The following CFAP44 variants were observed in gnomAD, a reference collection of about 807,000 sequenced individuals.
CFAP44 encodes cilia- and flagella-associated protein 44.
In CFAP44, 134 loss-of-function variants were observed where a neutral mutation model predicts 216.2. That is an observed-to-expected ratio of 0.62 (90% CI 0.54 to 0.72). CFAP44 has a LOEUF of 0.72. CFAP44 is among the 30% of genes least tolerant of loss of function. The pLI, the probability that CFAP44 is intolerant of heterozygous loss-of-function variation, is 0.00. For synonymous variants in CFAP44, 700 were observed against 727.6 expected (o/e 0.96, Z 0.61); for missense variants, 2,035 against 2,182.1 (o/e 0.93, Z 1.34).
At chr3:113,374,342 C>G (rs1933266016) in intron 17 of CFAP44, among the ~76,000 whole-genome samples, 1 of 151,024 alleles carries the variant, frequency 6.6e-6, no homozygotes. Flanking sequence ...TGCTTTACTC[C>G]CTGGAGCAAC....
intron 31 of CFAP44, among the ~76,000 whole-genome samples, chr3:113,304,616 A>C (rs1461612533): frequency 1.3e-5 from 2 of 152,214 alleles, no homozygotes; most frequent in African/African-American, 4.8e-5. Flanking sequence ...TAAAAAAGAG[A>C]AAATATTTTC....
chr3:113,368,177 T>C (rs1289339702), intron 18 of CFAP44, among the ~76,000 whole-genome samples: 3 of 152,184 alleles, frequency 2.0e-5, no homozygotes, highest in African/African-American at 4.8e-5. Flanking sequence ...CAGGATATCA[T>C]CCAGGAGAAC....
intron 30 of CFAP44, among the ~76,000 whole-genome samples, chr3:113,305,781 A>C (rs1034873260): frequency 2.6e-5 from 4 of 152,166 alleles, no homozygotes; most frequent in Admixed American, 6.5e-5. Flanking sequence ...GATCAACAAA[A>C]TCATCTATTG....
At chr3:113,324,402 A>G (rs987385458) in intron 28 of CFAP44, among the ~76,000 whole-genome samples, 2 of 152,202 alleles carry the variant, frequency 1.3e-5, no homozygotes, top group African/African-American at 4.8e-5. Context: ...CAATATATAA[A>G]AAGAATTTTG....
At chr3:113,347,859 G>C (rs1056979515) in intron 22 of CFAP44, among the ~76,000 whole-genome samples, 1 of 152,130 alleles carries the variant, frequency 6.6e-6, no homozygotes, top group Non-Finnish European at 1.5e-5. Context: ...GATACTAACA[G>C]GAGAATGCCT....
In CFAP44 at chr3:113,333,591, A is replaced by C. The variant is rs945209831; in HGVS notation, c.3438-8T>G. On this transcript the variant is annotated splice_region_variant and splice_polypyrimidine_tract_variant and intron_variant, in intron 24 of 34. Transcript: ENST00000393845. Reference sequence around the variant, plus strand: ...CCAGGTTTACTCTTGTATCTATTAGAAAAACAGACAACCCCCCCACACACA... The same window carrying C: ...CCAGGTTTACTCTTGTATCTATTAGCAAAACAGACAACCCCCCCACACACA... The C allele has an allele frequency of 6.6e-7, 1 of 1,508,110 alleles. No homozygotes were observed. The highest frequency in any genetic ancestry group is 2.2e-5 in the Admixed American group (1 of 45,006). 93.4% of individuals were successfully genotyped at this position (1,508,110 alleles called of 1,614,324 possible).
rs547774450 is a variant in CFAP44, at chr3:113,427,241, G to A, written c.199C>T (p.Arg67Cys). ...AATGAACTCAAACTTCCTTCCAAAC[G>A]TTCCTCATCTGAGTCTTCTTCTAAA... ...SYLEEDSDEE[R>C]LEGSLSSFQY... Residue 67 changes from arginine (R) to cysteine (C), a missense_variant, in exon 3 of 35, where the codon CGT (arginine) becomes TGT (cysteine). Transcript: ENST00000393845. 70 of 1,613,328 alleles carry A rather than the reference G, an allele frequency of 4.3e-5. No homozygotes were observed. The highest frequency in any genetic ancestry group is 1.6e-4 in the East Asian group (7 of 44,772).
intron 15 of CFAP44, among the ~76,000 whole-genome samples, chr3:113,382,771 A>C (rs1394453425): frequency 6.6e-6 from 1 of 152,210 alleles, no homozygotes; most frequent in Non-Finnish European, 1.5e-5. Flanking sequence ...ACAGAGGTAA[A>C]TGGGATTTTC....
At chr3:113,416,269 T>C (rs1245426520) in intron 6 of CFAP44, among the ~76,000 whole-genome samples, 2 of 152,166 alleles carry the variant, frequency 1.3e-5, no homozygotes, top group Non-Finnish European at 2.9e-5. Context: ...GCAGGTAAGA[T>C]GGGTCTCCAG....
rs917859549 is a variant in CFAP44 at position 113,330,148 on chromosome 3, G to A, written c.4116+20C>T. 4 of 1,481,244 alleles carry A rather than the reference G, an allele frequency of 2.7e-6. No homozygotes were observed. In the African/African-American group the frequency reaches 4.2e-5, roughly 16 times the overall value. 91.8% of individuals were successfully genotyped at this position (1,481,244 alleles called of 1,614,324 possible). On this transcript the variant is annotated intron_variant, in intron 26 of 34. Coordinates refer to ENST00000393845, the MANE Select transcript of CFAP44 (RefSeq NM_001164496.2). Reference sequence around the variant, plus strand: ...CTCTTCTCTCTTTCAGCTTTAACTAGGAACAGGTTCACCCCTTACCCTGTT... The same window carrying A: ...CTCTTCTCTCTTTCAGCTTTAACTAAGAACAGGTTCACCCCTTACCCTGTT...
intron 22 of CFAP44, among the ~76,000 whole-genome samples, chr3:113,352,741 T>A (rs533085685): frequency 6.6e-6 from 1 of 151,994 alleles, no homozygotes; most frequent in Admixed American, 6.6e-5. Flanking sequence ...GAAGAATACA[T>A]GTAAATGAAC....
In CFAP44 at chr3:113,288,189, A is replaced by C. The variant is rs1949793333; in HGVS notation, c.*3368T>G. On this transcript the variant is annotated 3_prime_UTR_variant, in exon 35 of 35. Coordinates refer to ENST00000393845, the MANE Select transcript of CFAP44 (RefSeq NM_001164496.2). ...GGCCAGACCCTGGCTTTTAAACATG[A>C]AGAATTTGATAAACAGGGTCCTAGG... is the stretch of plus-strand genomic sequence containing the variant. 1 of 152,102 alleles carries C rather than the reference A, an allele frequency of 6.6e-6. No individual in the cohort carries two copies. The highest frequency in any genetic ancestry group is 1.5e-5 in the Non-Finnish European group (1 of 68,026). The allele number at this position is 152,102 out of a possible 1,614,324, so 9.4% of individuals were successfully genotyped here. A position where few individuals can be genotyped will look rare whatever the true frequency, so the allele number is the denominator to read the frequency against.
At chr3:113,426,091 C>T (rs1243679998) in intron 4 of CFAP44, 33 bp downstream of exon 4, 1 of 1,601,508 alleles carries the variant, frequency 6.2e-7, no homozygotes, top group Admixed American at 1.7e-5. Context: ...AATGAAAATC[C>T]CAAAATTATA....
At chr3:113,382,517 G>A (rs1202624550) in intron 15 of CFAP44, among the ~76,000 whole-genome samples, 5 of 152,088 alleles carry the variant, frequency 3.3e-5, no homozygotes, top group East Asian at 1.9e-4. Context: ...GTAGCTAGAG[G>A]AGAATATAAG....
At chr3:113,418,149 A>G (rs1438571758) in intron 5 of CFAP44, among the ~76,000 whole-genome samples, 4 of 151,970 alleles carry the variant, frequency 2.6e-5, no homozygotes, top group Non-Finnish European at 5.9e-5. Context: ...GTGCAGTGGC[A>G]TGATCTCTGC....
chr3:113,434,577 A>G (rs556260163), intron 1 of CFAP44: 1 of 152,304 alleles, frequency 6.6e-6, no homozygotes, highest in African/African-American at 2.4e-5. Context: ...AGCTTTTCAT[A>G]TATTTGAAAA....
chr3:113,400,836 C>A (rs755421212), intron 11 of CFAP44, among the ~76,000 whole-genome samples, 192 bp from the exon 12 acceptor site: 17 of 151,942 alleles, frequency 1.1e-4, no homozygotes, highest in Non-Finnish European at 2.4e-4. Flanking sequence ...TGGGCTTTGT[C>A]CTTAATGGCT....
In CFAP44 at chr3:113,380,944, C is replaced by T. The variant is rs923465117; in HGVS notation, c.2007G>A (p.Met669Ile). The change falls in exon 16 of 35, where the codon ATG (methionine) becomes ATA (isoleucine). Residue 669 changes from methionine to isoleucine, a missense_variant. Physicochemically the swap from Met to Ile is conservative, Grantham distance 10 (BLOSUM62 1). This residue lies in a region of CFAP44 where 1,883 missense variants were observed against 2,023.7 expected (regional missense o/e 0.93). Coordinates refer to ENST00000393845, the MANE Select transcript of CFAP44 (RefSeq NM_001164496.2). Reference protein sequence around the residue: ...HDVVSYEIKDMCIKCFHFSSV... With the variant: ...HDVVSYEIKDICIKCFHFSSV... ...TTGAAAAATGGAAACATTTTATGCA[C>T]ATGTCTTTGATTTCATAGGAGACTA... is the stretch of plus-strand genomic sequence containing the variant. 1.3e-5 allele frequency: 20 copies of T among 1,593,672 alleles called. No individual in the cohort carries two copies. The highest frequency in any genetic ancestry group is 1.6e-5 in the Non-Finnish European group (19 of 1,170,424).
chr3:113,390,251 C>T (rs530950310), intron 15 of CFAP44, among the ~76,000 whole-genome samples: 7 of 152,074 alleles, frequency 4.6e-5, no homozygotes, highest in Non-Finnish European at 1.0e-4. Flanking sequence ...AAAATCACAC[C>T]ACCATTTCAA....
Sources: allele counts gnomAD v4.1 joint callset (sites outside exome capture counted in the v4.1 genomes callset), GRCh38; gene constraint gnomAD v4.1.1; regional missense constraint gnomAD v4.1.1; transcripts MANE v1.5; gene names NCBI Gene and HGNC (gene_info 2026-07-23, HGNC 2026-07-21).